The following MACROD2 variants were observed in gnomAD, a reference collection of about 807,000 sequenced individuals.
The protein encoded by MACROD2 is ADP-ribose glycohydrolase MACROD2.
A neutral mutation model predicts 70.4 loss-of-function variants in MACROD2; 36 were observed. The observed-to-expected ratio is 0.51, with a 90% CI of 0.39 to 0.68. The LOEUF (loss-of-function observed/expected upper bound fraction) is 0.68. Ranked by LOEUF, MACROD2 falls within the 30% of genes least tolerant of loss-of-function variation. MACROD2 has a pLI of 0.00. For missense variants in MACROD2, 496 were observed against 538.4 expected, an observed-to-expected ratio of 0.92 and a Z score of 0.78; for synonymous variants, 172 against 178.8, an observed-to-expected ratio of 0.96 and a Z score of 0.30.
chr20:15,041,271 G>T lies in MACROD2; in HGVS notation c.419-188669G>T, dbSNP rs537251126. 2.6e-5 allele frequency among the ~76,000 whole-genome samples: 4 copies of T among 152,204 alleles called. No homozygotes were observed. The South Asian group carries it at 6.2e-4, about 24-fold the overall frequency. The stretch of plus-strand genomic sequence containing the variant: ...ATACAGTTCCCAGTCATTGGAAGGG[G>T]ACATCTCTTGGTCTGAGTAATATTC... On this transcript the variant is annotated intron_variant, in intron 5 of 17. Coordinates refer to ENST00000684519, the MANE Select transcript of MACROD2 (RefSeq NM_001351661.2).
rs1375851457 is a variant in MACROD2 at position 14,545,959 on chromosome 20, C to T, written c.301+52451C>T. 3.9e-5 allele frequency among the ~76,000 whole-genome samples: 6 copies of T among 152,014 alleles called. 1 individual carries two copies. Among genetic ancestry groups the T allele is most frequent in the Admixed American group, 2.6e-4 (4 of 15,266 alleles). On this transcript the variant is annotated intron_variant, in intron 4 of 17. Coordinates refer to ENST00000684519, the MANE Select transcript of MACROD2 (RefSeq NM_001351661.2). ...CAAAGATGGGATTGCATTGACTGGC[C>T]GCTTGTAGTGTAAAAGAGAAAATGT... is the stretch of plus-strand genomic sequence containing the variant.
Position 15,254,206 on chromosome 20 carries a change from G to A in MACROD2, c.540+24145G>A, listed in dbSNP as rs535873944. On this transcript the variant is annotated intron_variant, in intron 6 of 17. Coordinates refer to ENST00000684519, the MANE Select transcript of MACROD2 (RefSeq NM_001351661.2). ...TCCATGCCTTGTGAGGCAAAGGAGTGGTGTTTCACCAGGTTAAGAGGTAAT... is the reference window on the plus strand; with the variant it reads ...TCCATGCCTTGTGAGGCAAAGGAGTAGTGTTTCACCAGGTTAAGAGGTAAT... 6.6e-5 allele frequency among the ~76,000 whole-genome samples: 10 copies of A among 152,230 alleles called. No individual in the cohort carries two copies. The South Asian group carries it at 1.2e-3, about 19-fold the overall frequency.
chr20:14,088,702 C>T (rs2054112894), intron 3 of MACROD2, among the ~76,000 whole-genome samples: 1 of 152,160 alleles, frequency 6.6e-6, no homozygotes, highest in Non-Finnish European at 1.5e-5. Flanking sequence ...TTGCTGTCTT[C>T]CCATGGAAGC....
intron 4 of MACROD2, among the ~76,000 whole-genome samples, chr20:14,601,120 C>T (rs752607550): frequency 6.6e-6 from 1 of 152,124 alleles, no homozygotes; most frequent in African/African-American, 2.4e-5. Flanking sequence ...CATCTGGCTC[C>T]TAAAAGTCAA....
intron 8 of MACROD2, among the ~76,000 whole-genome samples, chr20:15,618,440 A>G (rs6105443): frequency 0.079 from 12,020 of 151,908 alleles, 926 homozygotes; most frequent in African/African-American, 0.19. Context: ...TTTATCCCAC[A>G]CCAGCCTCAT....
intron 4 of MACROD2, among the ~76,000 whole-genome samples, chr20:14,597,299 A>G (rs1388762162): frequency 6.6e-6 from 1 of 152,158 alleles, no homozygotes; most frequent in Non-Finnish European, 1.5e-5. Context: ...AACCAAATAC[A>G]TCTTATGTGG....
chr20:15,334,067 T>C (rs1465223818), intron 6 of MACROD2, among the ~76,000 whole-genome samples: 2 of 151,706 alleles, frequency 1.3e-5, no homozygotes, highest in Non-Finnish European at 2.9e-5. Flanking sequence ...TTTGAAAAGC[T>C]CTTCCCAAAA....
intron 6 of MACROD2, among the ~76,000 whole-genome samples, chr20:15,402,636 A>G (rs1230052844): frequency 6.6e-6 from 1 of 152,248 alleles, no homozygotes; most frequent in African/African-American, 2.4e-5. Context: ...AAGAGTGAGT[A>G]CAGGGTAGTT....
intron 4 of MACROD2, among the ~76,000 whole-genome samples, chr20:14,510,816 G>T (rs2085021476): frequency 6.6e-6 from 1 of 151,956 alleles, no homozygotes; most frequent in South Asian, 2.1e-4. Flanking sequence ...TAAAAATTCT[G>T]TTCTATTCTT....
At chr20:14,672,416 C>G (rs1311307869) in intron 4 of MACROD2, among the ~76,000 whole-genome samples, 1 of 152,168 alleles carries the variant, frequency 6.6e-6, no homozygotes, top group Admixed American at 6.5e-5. Flanking sequence ...TCACTTTTGC[C>G]TCATTCTATT....
intron 8 of MACROD2, among the ~76,000 whole-genome samples, chr20:15,577,369 G>A (rs897176161): frequency 3.3e-5 from 5 of 151,886 alleles, no homozygotes; most frequent in East Asian, 3.9e-4. Context: ...CCAAGACATC[G>A]TATGATTTCA....
chr20:15,229,325 A>T (rs2076939545), intron 5 of MACROD2, among the ~76,000 whole-genome samples: 1 of 152,234 alleles, frequency 6.6e-6, no homozygotes, highest in Non-Finnish European at 1.5e-5. Context: ...TTAACTATTA[A>T]CCTATTAAAA....
chr20:14,099,453 T>G (rs1466745739), intron 3 of MACROD2, among the ~76,000 whole-genome samples: 1 of 152,164 alleles, frequency 6.6e-6, no homozygotes, highest in East Asian at 1.9e-4. Context: ...GTTTGGCTGT[T>G]TTTGTTCACT....
At chr20:14,288,899 C>A (rs543974591) in intron 3 of MACROD2, among the ~76,000 whole-genome samples, 5 of 152,278 alleles carry the variant, frequency 3.3e-5, no homozygotes. Flanking sequence ...TCCATGCCAG[C>A]CGCCAATTCT....
Position 13,995,857 on chromosome 20 carries a change from T to TGTTGGGGG in MACROD2, c.46+49_46+50insTTGGGGGG. The TGTTGGGGG allele has an allele frequency of 3.5e-6, 1 of 284,154 alleles. No individual in the cohort carries two copies. Among genetic ancestry groups the TGTTGGGGG allele is most frequent in the Non-Finnish European group, 6.5e-6 (1 of 155,026 alleles). 17.6% of individuals were successfully genotyped at this position (284,154 alleles called of 1,614,324 possible). A position where few individuals can be genotyped will look rare whatever the true frequency, so the allele number is the denominator to read the frequency against. ...GGGGTGCGGGCGGTGGGGGTTAGGG[T>TGTTGGGGG]GGGGGCGGGGGTCAGGCTGTGTGTG... On this transcript the variant is annotated intron_variant, in intron 1 of 17. Coordinates refer to ENST00000684519, the MANE Select transcript of MACROD2 (RefSeq NM_001351661.2). The surrounding 1 kb of genome is among the most constrained non-coding windows in gnomAD (Gnocchi z 4.3).
chr20:14,991,221 G>A lies in MACROD2; in HGVS notation c.419-238719G>A, dbSNP rs190715477. 3.0e-4 allele frequency among the ~76,000 whole-genome samples: 45 copies of A among 151,898 alleles called. No homozygotes were observed. In the East Asian group the frequency reaches 4.3e-3, roughly 14 times the overall value. ...CACCAAGTGAAAAAAAAAATCTCAC[G>A]TTGCCCCATTTCCCAACTGTTTGAC... On this transcript the variant is annotated intron_variant, in intron 5 of 17. Coordinates refer to ENST00000684519, the MANE Select transcript of MACROD2 (RefSeq NM_001351661.2).
chr20:16,047,086 T>C (rs2067393436), intron 17 of MACROD2, among the ~76,000 whole-genome samples: 1 of 152,164 alleles, frequency 6.6e-6, no homozygotes, highest in Non-Finnish European at 1.5e-5. Flanking sequence ...AAAATTCTGC[T>C]CCCTAAGCAA....
rs2051006325 is a variant in MACROD2 at position 15,735,495 on chromosome 20, C to T, written c.646-127250C>T. Among the ~76,000 whole-genome samples the T allele has an allele frequency of 2.0e-5, 3 of 152,110 alleles. No individual in the cohort carries two copies. The South Asian group carries it at 6.2e-4, about 32-fold the overall frequency. On this transcript the variant is annotated intron_variant, in intron 8 of 17. Transcript: ENST00000684519. ...CCAGAAGTTTAATGCCAGATTTCACCACCTTCATGAGAAATCAGAAGGGTA... is the reference window on the plus strand; with the variant it reads ...CCAGAAGTTTAATGCCAGATTTCACTACCTTCATGAGAAATCAGAAGGGTA...
intron 4 of MACROD2, among the ~76,000 whole-genome samples, chr20:14,570,305 T>C (rs1202430526): frequency 6.6e-6 from 1 of 152,014 alleles, no homozygotes; most frequent in African/African-American, 2.4e-5. Context: ...GTTAAACTGA[T>C]CTGTGGTGTT....
Sources: gnomAD v4.1 joint callset for allele counts (sites outside exome capture counted in the v4.1 genomes callset) on GRCh38, gnomAD v4.1.1 for gene constraint, Gnocchi (gnomAD v3.1) non-coding constraint, MANE v1.5 for transcripts, NCBI Gene and HGNC (gene_info 2026-07-23, HGNC 2026-07-21) for gene names.